The following NHLRC2 variants were observed in gnomAD, a reference collection of about 807,000 sequenced individuals.
NHLRC2 encodes NHL repeat containing 2.
NHLRC2 carries 33 observed loss-of-function variants against 68.1 expected under a neutral mutation model. The ratio of observed to expected loss-of-function variants is 0.48; its 90% CI spans 0.37 to 0.65. NHLRC2 has a LOEUF of 0.65. NHLRC2 is among the 30% of genes least tolerant of loss of function. The pLI is 0.00. For synonymous variants in NHLRC2, 311 were observed against 309.6 expected (o/e 1.00, Z -0.05); for missense variants, 761 against 853.8 (o/e 0.89, Z 1.35).
chr10:113,884,466 CCATTA>C, intron 5 of NHLRC2, 86 bp downstream of exon 5: 2 of 1,066,826 alleles, frequency 1.9e-6, no homozygotes, highest in Non-Finnish European at 2.7e-6. Flanking sequence ...CATTTGGATT[CCATTA>C]CTAGTTATTT....
At position 113,912,352 on chromosome 10, in the gene NHLRC2, C is replaced by T. The variant is rs183077895; in HGVS notation, c.*3816C>T. ...CTACAATTTGTGAAGGAAAATCTCC[C>T]ACTAACTATTGGTTATGTTAATATT... is the stretch of plus-strand genomic sequence containing the variant. On this transcript the variant is annotated 3_prime_UTR_variant, in exon 11 of 11. Coordinates refer to ENST00000369301, the MANE Select transcript of NHLRC2 (RefSeq NM_198514.4). 2 of 152,278 alleles carry T rather than the reference C, an allele frequency of 1.3e-5. No individual in the cohort carries two copies. Among genetic ancestry groups the T allele is most frequent in the Non-Finnish European group, 2.9e-5 (2 of 68,004 alleles). The allele number at this position is 152,278 out of a possible 1,614,324, so 9.4% of individuals were successfully genotyped here. A position where few individuals can be genotyped will look rare whatever the true frequency, so the allele number is the denominator to read the frequency against.
At chr10:113,897,992 A>G (rs903952414) in intron 5 of NHLRC2, 118 bp from the exon 6 acceptor site, 3 of 518,642 alleles carry the variant, frequency 5.8e-6, no homozygotes, top group Non-Finnish European at 9.7e-6. Flanking sequence ...AGATATTTTT[A>G]TTTATCAGAT....
chr10:113,903,837 G>A, intron 9 of NHLRC2, 101 bp downstream of exon 9: 3 of 727,070 alleles, frequency 4.1e-6, no homozygotes, highest in East Asian at 2.6e-5. Context: ...CCATCTCCAG[G>A]AGAGTATTAA....
chr10:113,874,822 T>C (rs768753227), intron 2 of NHLRC2, among the ~76,000 whole-genome samples: 2 of 152,144 alleles, frequency 1.3e-5, no homozygotes, highest in African/African-American at 2.4e-5. Context: ...AACCTTTTCT[T>C]TGTCATGTCC....
In NHLRC2 at chr10:113,916,274, T is replaced by G. The variant is rs1401690508; in HGVS notation, c.*7738T>G. 1 of 152,208 alleles carries G rather than the reference T, an allele frequency of 6.6e-6. No homozygotes were observed. Among genetic ancestry groups the G allele is most frequent in the Non-Finnish European group, 1.5e-5 (1 of 68,020 alleles). 9.4% of individuals were successfully genotyped at this position (152,208 alleles called of 1,614,324 possible). On this transcript the variant is annotated 3_prime_UTR_variant, in exon 11 of 11. Transcript: ENST00000369301. ...GATATTCATCATCAAAATATACCTG[T>G]AAAAAATAAACTACTGCTTCCTCTC...
chr10:113,857,201 G>T (rs1193023672), intron 1 of NHLRC2, among the ~76,000 whole-genome samples: 12 of 152,084 alleles, frequency 7.9e-5, no homozygotes, highest in Non-Finnish European at 1.8e-4. Context: ...CGGTGACTAA[G>T]ATGTAGTCAT....
rs1158431279 is a variant in NHLRC2, at chr10:113,915,796, CT to C, written c.*7261del. 1 of 152,674 alleles carries C rather than the reference CT, an allele frequency of 6.5e-6. No individual in the cohort carries two copies. The highest frequency in any genetic ancestry group is 1.5e-5 in the Non-Finnish European group (1 of 68,580). The allele number at this position is 152,674 out of a possible 1,614,324, so 9.5% of individuals were successfully genotyped here. Reference sequence around the variant, plus strand: ...AGACCACAGGTGTGTGCCACCACACCTGGCTAATTTTTTTAAAATTTTTTGT... The same window carrying C: ...AGACCACAGGTGTGTGCCACCACACCGGCTAATTTTTTTAAAATTTTTTGT... On this transcript the variant is annotated 3_prime_UTR_variant, in exon 11 of 11. Coordinates refer to ENST00000369301, the MANE Select transcript of NHLRC2 (RefSeq NM_198514.4).
chr10:113,893,321 A>G (rs1170033941), intron 5 of NHLRC2, among the ~76,000 whole-genome samples: 1 of 152,210 alleles, frequency 6.6e-6, no homozygotes, highest in African/African-American at 2.4e-5. Flanking sequence ...TAGTTCCTTC[A>G]TTCTCATCAG....
chr10:113,902,508 T>C lies in NHLRC2; in HGVS notation c.1409T>C (p.Ile470Thr), dbSNP rs1341482262. 6.2e-7 allele frequency: 1 copy of C among 1,602,866 alleles called. No homozygotes were observed. The highest frequency in any genetic ancestry group is 1.3e-5 in the African/African-American group (1 of 74,206). Residue 470 changes from isoleucine to threonine, a missense_variant, in exon 8 of 11, where the codon ATC (isoleucine) becomes ACC (threonine). Ile to Thr is a moderately conservative substitution (Grantham distance 89, BLOSUM62 -1). Coordinates refer to ENST00000369301, the MANE Select transcript of NHLRC2 (RefSeq NM_198514.4). Reference protein sequence around the residue: ...FAFGDVDGVGINAKLQHPLGV... With the variant: ...FAFGDVDGVGTNAKLQHPLGV... ...TTTGGTGATGTTGATGGAGTAGGAA[T>C]CAATGCAAAGCTTCAACACCCCCTT...
intron 5 of NHLRC2, among the ~76,000 whole-genome samples, chr10:113,888,077 T>TTG (rs1846097959): frequency 1.3e-5 from 2 of 152,068 alleles, no homozygotes; most frequent in Admixed American, 6.6e-5. Flanking sequence ...AAAAGAAATT[T>TTG]TAAAATAAAA....
intron 10 of NHLRC2, among the ~76,000 whole-genome samples, chr10:113,905,717 C>A (rs995471001): frequency 1.7e-4 from 26 of 152,128 alleles, no homozygotes; most frequent in African/African-American, 5.3e-4. Flanking sequence ...TCCTTCATAC[C>A]CTCTCACACA....
intron 5 of NHLRC2, among the ~76,000 whole-genome samples, chr10:113,890,215 C>A (rs1846118950): frequency 6.6e-6 from 1 of 152,122 alleles, no homozygotes; most frequent in Non-Finnish European, 1.5e-5. Context: ...AGTGATTTTT[C>A]TTGCCTTTAT....
chr10:113,871,390 T>C (rs935118667), intron 2 of NHLRC2, among the ~76,000 whole-genome samples: 7 of 152,312 alleles, frequency 4.6e-5, no homozygotes, highest in Admixed American at 2.6e-4. Context: ...TATACTGTTA[T>C]AGCTCCATAT....
At chr10:113,891,338 G>A (rs974623395) in intron 5 of NHLRC2, among the ~76,000 whole-genome samples, 1 of 152,086 alleles carries the variant, frequency 6.6e-6, no homozygotes, top group African/African-American at 2.4e-5. Context: ...GACTATCCTC[G>A]AGTCTGTTTC....
intron 2 of NHLRC2, among the ~76,000 whole-genome samples, chr10:113,859,412 G>C (rs1426390313): frequency 6.6e-6 from 1 of 152,112 alleles, no homozygotes. Flanking sequence ...AAAAGAGATA[G>C]GGTCACCGAT....
intron 5 of NHLRC2, 111 bp downstream of exon 5, chr10:113,884,491 CT>C: frequency 1.3e-6 from 1 of 774,906 alleles, no homozygotes; most frequent in Non-Finnish European, 2.0e-6. Context: ...TTATTTTATA[CT>C]TTTATACCTA....
At chr10:113,861,565 C>T (rs1448775386) in intron 2 of NHLRC2, among the ~76,000 whole-genome samples, 2 of 152,114 alleles carry the variant, frequency 1.3e-5, no homozygotes, top group Non-Finnish European at 2.9e-5. Context: ...GCAAACTGTC[C>T]TTCAAAGTGA....
chr10:113,894,159 AG>A lies in NHLRC2; in HGVS notation c.1040-3949del, dbSNP rs545569094. ...AAAGGAGGAATTAAAGATGACTCCA[AG>A]GCTTATGACCTGAGAAGCTAAAAGG... On this transcript the variant is annotated intron_variant, in intron 5 of 10. Coordinates refer to ENST00000369301, the MANE Select transcript of NHLRC2 (RefSeq NM_198514.4). 2.4e-3 allele frequency among the ~76,000 whole-genome samples: 366 copies of A among 152,328 alleles called. 3 individuals are homozygous for A. The highest frequency in any genetic ancestry group is 0.01 in the Middle Eastern group (3 of 294).
At chr10:113,858,409 C>G in intron 1 of NHLRC2, 119 bp from the exon 2 acceptor site, 2 of 645,014 alleles carry the variant, frequency 3.1e-6, no homozygotes, top group South Asian at 4.0e-5. Flanking sequence ...TATGGTGCTA[C>G]TCTCTCAAAG....
Sources: gnomAD v4.1 joint callset for allele counts (sites outside exome capture counted in the v4.1 genomes callset) on GRCh38, gnomAD v4.1.1 for gene constraint, MANE v1.5 for transcripts, NCBI Gene and HGNC (gene_info 2026-07-23, HGNC 2026-07-21) for gene names.